PTPRD: variants seen among roughly 807,000 people sequenced by gnomAD.
PTPRD encodes receptor-type tyrosine-protein phosphatase delta.
A neutral mutation model predicts 214.5 loss-of-function variants in PTPRD; 34 were observed. That is an observed-to-expected ratio of 0.16 (90% CI 0.12 to 0.21). The LOEUF is 0.21. Ranked by LOEUF, PTPRD falls within the 10% of genes least tolerant of loss-of-function variation. The pLI, the probability that PTPRD is intolerant of heterozygous loss-of-function variation, is 1.00. For missense variants in PTPRD, 2,545 were observed against 2,398.7 expected, an observed-to-expected ratio of 1.06 and a Z score of -1.27; for synonymous variants, 1,128 against 845.7, an observed-to-expected ratio of 1.33 and a Z score of -5.79.
At chr9:9,140,829 C>T (rs1178303320) in intron 10 of PTPRD, among the ~76,000 whole-genome samples, 1 of 152,156 alleles carries the variant, frequency 6.6e-6, no homozygotes, top group Admixed American at 6.5e-5. Flanking sequence ...CTGCCCGCCT[C>T]AGCCTCCCAA....
chr9:8,319,084 C>G (rs189725770), intron 45 of PTPRD, among the ~76,000 whole-genome samples: 79 of 152,170 alleles, frequency 5.2e-4, no homozygotes, highest in Admixed American at 5.2e-3. Flanking sequence ...TTAAGTTTGT[C>G]AAGCTGGCAT....
intron 21 of PTPRD, among the ~76,000 whole-genome samples, chr9:8,508,528 C>T (rs1262771607): frequency 6.6e-6 from 1 of 152,012 alleles, no homozygotes; most frequent in African/African-American, 2.4e-5. Flanking sequence ...TGTGGCTGAA[C>T]ATATGTTCAT....
intron 3 of PTPRD, among the ~76,000 whole-genome samples, chr9:10,240,019 G>A (rs1162030169): frequency 6.6e-6 from 1 of 151,918 alleles, no homozygotes; most frequent in Non-Finnish European, 1.5e-5. Context: ...ACCCCATACT[G>A]AGGAGGGAAA....
At chr9:9,930,063 A>G (rs1183347792) in intron 5 of PTPRD, among the ~76,000 whole-genome samples, 2 of 152,228 alleles carry the variant, frequency 1.3e-5, no homozygotes, top group African/African-American at 4.8e-5. Context: ...AAGAAGTACT[A>G]TGAGATAAAG....
chr9:10,610,153 C>G (rs997338190), intron 2 of PTPRD, among the ~76,000 whole-genome samples: 1 of 152,062 alleles, frequency 6.6e-6, no homozygotes, highest in African/African-American at 2.4e-5. Context: ...GGACAGAGAG[C>G]TGGTGGCCAA....
chr9:10,222,732 T>C (rs774810141), intron 3 of PTPRD, among the ~76,000 whole-genome samples: 1 of 152,148 alleles, frequency 6.6e-6, no homozygotes, highest in South Asian at 2.1e-4. Flanking sequence ...CAAATGACTA[T>C]GCAATTCCTA....
intron 2 of PTPRD, among the ~76,000 whole-genome samples, chr9:10,387,510 G>A (rs1361271918): frequency 1.3e-5 from 2 of 151,824 alleles, no homozygotes; most frequent in East Asian, 3.9e-4. Context: ...AAGAGTAGGT[G>A]TTCTGGCAAT....
intron 2 of PTPRD, among the ~76,000 whole-genome samples, chr9:10,573,372 G>A (rs1037984142): frequency 1.3e-5 from 2 of 152,076 alleles, no homozygotes; most frequent in Admixed American, 6.6e-5. Context: ...CCTGAAGGTC[G>A]CAAATTTATT....
chr9:8,676,803 ACCT>A (rs934661870), intron 12 of PTPRD, among the ~76,000 whole-genome samples: 13 of 152,148 alleles, frequency 8.5e-5, no homozygotes, highest in Admixed American at 2.0e-4. Context: ...CGAACTCCTG[ACCT>A]CAGGTGATCC....
intron 2 of PTPRD, among the ~76,000 whole-genome samples, chr9:10,483,464 AG>A (rs2099113376): frequency 1.3e-5 from 2 of 152,266 alleles, no homozygotes; most frequent in South Asian, 4.1e-4. Flanking sequence ...GTACAGCAAA[AG>A]AAATAATCGT....
chr9:8,585,807 C>A (rs1244799019), intron 14 of PTPRD, among the ~76,000 whole-genome samples: 1 of 152,176 alleles, frequency 6.6e-6, no homozygotes, highest in Non-Finnish European at 1.5e-5. Context: ...TGTACTATTT[C>A]ATTACACCTT....
At chr9:9,863,199 A>G (rs904768669) in intron 5 of PTPRD, among the ~76,000 whole-genome samples, 1 of 152,188 alleles carries the variant, frequency 6.6e-6, no homozygotes, top group Non-Finnish European at 1.5e-5. Context: ...AGAGAAGTCC[A>G]CTGCAAATTC....
chr9:8,390,003 A>C (rs2088869445), intron 36 of PTPRD, among the ~76,000 whole-genome samples: 1 of 152,102 alleles, frequency 6.6e-6, no homozygotes, highest in Non-Finnish European at 1.5e-5. Context: ...ATCAGGTTTA[A>C]TCCTAGGCTA....
intron 11 of PTPRD, among the ~76,000 whole-genome samples, chr9:8,994,696 C>T (rs944028753): frequency 5.3e-5 from 8 of 151,478 alleles, no homozygotes; most frequent in Non-Finnish European, 1.2e-4. Flanking sequence ...ATGAGTGACA[C>T]AGTGAGGGAA....
chr9:9,986,783 T>C (rs577961418), intron 4 of PTPRD, among the ~76,000 whole-genome samples: 2 of 152,294 alleles, frequency 1.3e-5, no homozygotes, highest in East Asian at 3.9e-4. Context: ...TACTATACAA[T>C]GGATATAGAG....
chr9:10,072,174 C>T (rs1185691950), intron 3 of PTPRD, among the ~76,000 whole-genome samples: 2 of 151,742 alleles, frequency 1.3e-5, no homozygotes, highest in Non-Finnish European at 2.9e-5. Flanking sequence ...TAAAGCCATT[C>T]AAAACATAAG....
chr9:10,234,225 T>C (rs144966737), intron 3 of PTPRD, among the ~76,000 whole-genome samples: 34 of 151,370 alleles, frequency 2.2e-4, no homozygotes, highest in African/African-American at 7.7e-4. Flanking sequence ...TAATAAATAA[T>C]TAATAAAAAA....
chr9:8,337,169 T>C (rs926811960), intron 43 of PTPRD, among the ~76,000 whole-genome samples: 5 of 152,192 alleles, frequency 3.3e-5, no homozygotes, highest in African/African-American at 1.2e-4. Flanking sequence ...TGTGGCACTA[T>C]TCACAATAGC....
At chr9:9,792,027 T>A (rs1171495575) in intron 5 of PTPRD, among the ~76,000 whole-genome samples, 1 of 152,170 alleles carries the variant, frequency 6.6e-6, no homozygotes, top group African/African-American at 2.4e-5. Flanking sequence ...ACTTAAGTCT[T>A]ATCATTTTAA....
Sources: allele counts gnomAD v4.1 joint callset (sites outside exome capture counted in the v4.1 genomes callset), GRCh38; gene constraint gnomAD v4.1.1; transcripts MANE v1.5; gene names NCBI Gene and HGNC (gene_info 2026-07-23, HGNC 2026-07-21).